The following PXDNL variants were observed in gnomAD, a reference collection of about 807,000 sequenced individuals.
The protein encoded by PXDNL is peroxidasin like.
In PXDNL, 145 loss-of-function variants were observed where a neutral mutation model predicts 150.8. That is an observed-to-expected ratio of 0.96 (90% CI 0.84 to 1.10). The LOEUF is 1.10. Among genes scored for constraint, PXDNL ranks in the 50% least tolerant of loss-of-function variants. PXDNL has a pLI of 0.00. For synonymous variants in PXDNL, 757 were observed against 725.7 expected, an observed-to-expected ratio of 1.04 and a Z score of -0.69; for missense variants, 2,087 against 1,873.9, an observed-to-expected ratio of 1.11 and a Z score of -2.10.
intron 1 of PXDNL, among the ~76,000 whole-genome samples, chr8:51,765,645 C>CAA (rs1425703718): frequency 6.6e-6 from 1 of 152,042 alleles, no homozygotes; most frequent in African/African-American, 2.4e-5. Context: ...CTAATTAACA[C>CAA]AACTATTAAT....
At chr8:51,348,327 A>G (rs759970180) in intron 19 of PXDNL, among the ~76,000 whole-genome samples, 9 of 152,210 alleles carry the variant, frequency 5.9e-5, no homozygotes, top group Non-Finnish European at 7.3e-5. Flanking sequence ...AATAAAACCC[A>G]AAAAGCAAAG....
chr8:51,384,172 G>A (rs1347268541), intron 17 of PXDNL, among the ~76,000 whole-genome samples: 2 of 152,080 alleles, frequency 1.3e-5, no homozygotes, highest in Non-Finnish European at 2.9e-5. Flanking sequence ...TGGCAAAAAA[G>A]GCAAAATGCC....
At chr8:51,380,151 A>T (rs2130807873) in intron 17 of PXDNL, among the ~76,000 whole-genome samples, 1 of 152,084 alleles carries the variant, frequency 6.6e-6, no homozygotes, top group Middle Eastern at 3.4e-3. Context: ...TAACAAAAAA[A>T]CTCATAATAT....
At chr8:51,675,643 A>G (rs1260300169) in intron 1 of PXDNL, among the ~76,000 whole-genome samples, 1 of 151,832 alleles carries the variant, frequency 6.6e-6, no homozygotes, top group Non-Finnish European at 1.5e-5. Flanking sequence ...AAATACAAAA[A>G]TTAGCTGGGT....
chr8:51,341,376 A>G (rs1482546782), intron 20 of PXDNL, among the ~76,000 whole-genome samples: 1 of 152,218 alleles, frequency 6.6e-6, no homozygotes, highest in African/African-American at 2.4e-5. Flanking sequence ...AGTACTAAAT[A>G]TAAATATATT....
At position 51,332,291 on chromosome 8, in the gene PXDNL, C is replaced by G. The variant is rs900474148; in HGVS notation, c.4146+7333G>C. Among the ~76,000 whole-genome samples, 40 of 152,260 alleles carry G rather than the reference C, an allele frequency of 2.6e-4. 1 individual carries two copies. In the South Asian group the frequency reaches 4.6e-3, roughly 17 times the overall value. Reference sequence around the variant, plus strand: ...TGGGAAAAGGGGGTGAGTACTACATCAAGAGAACACCCTGTGGGACAAAAG... The same window carrying G: ...TGGGAAAAGGGGGTGAGTACTACATGAAGAGAACACCCTGTGGGACAAAAG... On this transcript the variant is annotated intron_variant, in intron 21 of 22. Transcript: ENST00000356297.
chr8:51,411,639 T>C (rs536041554), intron 15 of PXDNL, among the ~76,000 whole-genome samples: 22 of 152,316 alleles, frequency 1.4e-4, no homozygotes, highest in African/African-American at 5.3e-4. Flanking sequence ...TTTTAATGAA[T>C]GGATGATTTA....
At chr8:51,329,118 C>T (rs1270193356) in intron 21 of PXDNL, among the ~76,000 whole-genome samples, 1 of 152,166 alleles carries the variant, frequency 6.6e-6, no homozygotes, top group Non-Finnish European at 1.5e-5. Context: ...TGGAGCAATG[C>T]TTGTGAAAAT....
At chr8:51,577,943 GAA>G (rs1284818030) in intron 3 of PXDNL, among the ~76,000 whole-genome samples, 1 of 69,566 alleles carries the variant, frequency 1.4e-5, no homozygotes, top group Non-Finnish European at 2.9e-5. Context: ...AAGAAAGAAA[GAA>G]AGAAAGAAAG....
chr8:51,535,580 C>T (rs1425119250), intron 4 of PXDNL, among the ~76,000 whole-genome samples: 1 of 130,642 alleles, frequency 7.7e-6, no homozygotes, highest in Non-Finnish European at 1.6e-5. Context: ...ACAAACACTG[C>T]GGAAGGCCGC....
chr8:51,801,022 A>G lies in PXDNL; in HGVS notation c.164+8159T>C, dbSNP rs560245672. ...TCTGACTGCCTGCGGGGTTGGGCAG[A>G]ATAGAACCATATTTTTCTTTTTGCA... On this transcript the variant is annotated intron_variant, in intron 1 of 22. Transcript: ENST00000356297. Among the ~76,000 whole-genome samples, 22 of 152,360 alleles carry G rather than the reference A, an allele frequency of 1.4e-4. No individual in the cohort carries two copies. The South Asian group carries it at 3.9e-3, about 27-fold the overall frequency.
chr8:51,515,611 C>T (rs1160110679), intron 4 of PXDNL, among the ~76,000 whole-genome samples: 1 of 152,224 alleles, frequency 6.6e-6, no homozygotes, highest in East Asian at 1.9e-4. Flanking sequence ...TCGTGAACAT[C>T]TCACGGGATT....
intron 1 of PXDNL, among the ~76,000 whole-genome samples, chr8:51,747,841 C>T (rs2037002275): frequency 6.6e-6 from 1 of 152,140 alleles, no homozygotes; most frequent in African/African-American, 2.4e-5. Flanking sequence ...TAAAAGTCAC[C>T]TTATTCCAAA....
At chr8:51,608,070 C>G (rs143707791) in intron 2 of PXDNL, among the ~76,000 whole-genome samples, 1 of 117,386 alleles carries the variant, frequency 8.5e-6, no homozygotes, top group African/African-American at 3.8e-5. Flanking sequence ...AGCAAGCAAG[C>G]AAGCAAGCAA....
intron 1 of PXDNL, among the ~76,000 whole-genome samples, chr8:51,733,713 C>A (rs1816975170): frequency 1.3e-5 from 2 of 151,320 alleles, no homozygotes; most frequent in African/African-American, 2.4e-5. Flanking sequence ...GTGGCTGAGG[C>A]AGGAGAATCA....
At chr8:51,571,954 T>C (rs1156652137) in intron 3 of PXDNL, among the ~76,000 whole-genome samples, 1 of 151,896 alleles carries the variant, frequency 6.6e-6, no homozygotes, top group Non-Finnish European at 1.5e-5. Context: ...ATCCCTTATT[T>C]ACAATGGTTT....
At chr8:51,403,279 TGAA>T (rs1225874154) in intron 17 of PXDNL, among the ~76,000 whole-genome samples, 1 of 152,200 alleles carries the variant, frequency 6.6e-6, no homozygotes, top group Non-Finnish European at 1.5e-5. Flanking sequence ...CTCTTGGTAC[TGAA>T]GGAGGCAGGA....
In PXDNL at chr8:51,608,421, G is replaced by GAAGA. The variant is rs776137717; in HGVS notation, c.237-15727_237-15724dup. On this transcript the variant is annotated intron_variant, in intron 2 of 22. Coordinates refer to ENST00000356297, the MANE Select transcript of PXDNL (RefSeq NM_144651.5). ...AAAAAAAAGAAAGAAAGGAAGGAAGGAAGAAAGAAAGGGGCCCAAAGTCAT... is the reference window on the plus strand; with the variant it reads ...AAAAAAAAGAAAGAAAGGAAGGAAGGAAGAAAGAAAGAAAGGGGCCCAAAGTCAT... Among the ~76,000 whole-genome samples the GAAGA allele has an allele frequency of 3.7e-4, 54 of 146,930 alleles. 3 individuals carry two copies. Among genetic ancestry groups the GAAGA allele is most frequent in the Non-Finnish European group, 6.8e-4 (46 of 67,384 alleles).
At chr8:51,485,696 G>A (rs377261708) in intron 5 of PXDNL, among the ~76,000 whole-genome samples, 5 of 152,242 alleles carry the variant, frequency 3.3e-5, no homozygotes, top group South Asian at 4.2e-4. Flanking sequence ...TGCTCATGGC[G>A]TATTTGGAGT....
Sources: allele counts gnomAD v4.1 joint callset (sites outside exome capture counted in the v4.1 genomes callset), GRCh38; gene constraint gnomAD v4.1.1; transcripts MANE v1.5; gene names NCBI Gene and HGNC (gene_info 2026-07-23, HGNC 2026-07-21).